Variants in POF1B observed in about 807,000 individuals in gnomAD.
POF1B encodes protein POF1B.
A neutral mutation model predicts 55.3 loss-of-function variants in POF1B; 53 were observed. The observed-to-expected ratio is 0.96, with a 90% CI of 0.77 to 1.20. The LOEUF (loss-of-function observed/expected upper bound fraction) is 1.20, where lower values mean the gene tolerates loss of function less well. POF1B is among the 50% of genes most tolerant of loss of function. The probability of loss-of-function intolerance (pLI) is 0.00; values close to 1 mark genes in which losing one functional copy is unlikely to be tolerated. For synonymous variants in POF1B, 188 were observed against 148.3 expected, an observed-to-expected ratio of 1.27 and a Z score of -1.95; for missense variants, 478 against 420.5, an observed-to-expected ratio of 1.14 and a Z score of -1.20.
chrX:85,326,988 T>A (rs1932904337), intron 7 of POF1B, among the ~76,000 whole-genome samples: 1 of 110,462 alleles, frequency 9.1e-6, no homozygotes, highest in South Asian at 3.9e-4. Context: ...CCTGCAACGT[T>A]TAGGTCCAAC....
rs980483287 is a variant in POF1B, at chrX:85,358,696, C to A, written c.438+854G>T. Among the ~76,000 whole-genome samples, 5 of 109,896 alleles carry A rather than the reference C, an allele frequency of 4.5e-5. No homozygotes were observed. In the Admixed American group the frequency reaches 4.9e-4, roughly 11 times the overall value. On this transcript the variant is annotated intron_variant, in intron 4 of 16. Transcript: ENST00000262753. ...AATTGGACTGAGATTATTTTAATGA[C>A]AGGAAAAAGAAATAAAGATTAGACA...
rs749733109 is a variant in POF1B, at chrX:85,379,500, G to A, written c.-41-5C>T. 63 of 1,161,653 alleles carry A rather than the reference G, an allele frequency of 5.4e-5. 1 individual carries two copies. In the South Asian group the frequency reaches 1.1e-3, roughly 20 times the overall value. On this transcript the variant is annotated splice_region_variant and splice_polypyrimidine_tract_variant and intron_variant, in intron 1 of 16. Transcript: ENST00000262753. Reference sequence around the variant, plus strand: ...GGGACCTCCCAGATGTTCTACCTAAGGAACAAACAGAGAAATATAATGGAA... The same window carrying A: ...GGGACCTCCCAGATGTTCTACCTAAAGAACAAACAGAGAAATATAATGGAA...
chrX:85,281,847 T>C (rs911284123), intron 16 of POF1B, among the ~76,000 whole-genome samples: 1 of 110,044 alleles, frequency 9.1e-6, no homozygotes, highest in Non-Finnish European at 1.9e-5. Flanking sequence ...GTCTATGATA[T>C]TTGCTACCTG....
At chrX:85,337,970 T>C (rs1030355749) in intron 6 of POF1B, among the ~76,000 whole-genome samples, 3 of 111,593 alleles carry the variant, frequency 2.7e-5, no homozygotes, top group African/African-American at 9.7e-5. Flanking sequence ...TTAAGGCATA[T>C]GTACAGTTTG....
chrX:85,278,611 A>G lies in POF1B; in HGVS notation c.*810T>C, dbSNP rs373370381. The G allele has an allele frequency of 3.3e-4, 37 of 111,208 alleles. No homozygotes were observed. Among genetic ancestry groups the G allele is most frequent in the African/African-American group, 1.2e-3 (36 of 30,751 alleles). 9.2% of individuals were successfully genotyped at this position (111,208 alleles called of 1,213,427 possible). A position where few individuals can be genotyped will look rare whatever the true frequency, so the allele number is the denominator to read the frequency against. ...GTCTTTATATCTATGTAATATTTCA[A>G]TGATATGTTTGCATACCACTATGAA... On this transcript the variant is annotated 3_prime_UTR_variant, in exon 17 of 17. Coordinates refer to ENST00000262753, the MANE Select transcript of POF1B (RefSeq NM_024921.4).
At chrX:85,280,934 G>T (rs147910600) in intron 16 of POF1B, among the ~76,000 whole-genome samples, 19 of 110,681 alleles carry the variant, frequency 1.7e-4, no homozygotes, top group African/African-American at 5.3e-4. Flanking sequence ...CCTGCACATC[G>T]TAGTATGTTC....
chrX:85,303,856 G>C lies in POF1B; in HGVS notation c.1567-368C>G, dbSNP rs1228001316. On this transcript the variant is annotated intron_variant, in intron 14 of 16. Transcript: ENST00000262753. ...GTATTGAAACTTCAATATATAAGCAGATATAGTTTCTTAAGAGAGAGTTTA... is the reference window on the plus strand; with the variant it reads ...GTATTGAAACTTCAATATATAAGCACATATAGTTTCTTAAGAGAGAGTTTA... 3.7e-4 allele frequency among the ~76,000 whole-genome samples: 41 copies of C among 111,232 alleles called. No individual in the cohort carries two copies. The Admixed American group carries it at 3.9e-3, about 11-fold the overall frequency.
At chrX:85,282,721 T>A (rs1931932439) in intron 15 of POF1B, among the ~76,000 whole-genome samples, 1 of 110,421 alleles carries the variant, frequency 9.1e-6, no homozygotes, top group South Asian at 3.9e-4. Flanking sequence ...AGAGTAAATA[T>A]AGGCAAAGGC....
intron 6 of POF1B, 46 bp downstream of exon 6, chrX:85,345,814 A>C: frequency 9.2e-7 from 1 of 1,090,990 alleles, no homozygotes; most frequent in East Asian, 3.2e-5. Flanking sequence ...AGAAGAGTTC[A>C]AGAACATTAT....
At chrX:85,297,618 A>G (rs751336842) in intron 15 of POF1B, among the ~76,000 whole-genome samples, 1 of 111,652 alleles carries the variant, frequency 9.0e-6, no homozygotes, top group Non-Finnish European at 1.9e-5. Flanking sequence ...GTTGGCAGAG[A>G]GTATTACTCT....
chrX:85,300,485 G>T (rs1266551423), intron 15 of POF1B, among the ~76,000 whole-genome samples: 3 of 112,057 alleles, frequency 2.7e-5, no homozygotes, highest in Non-Finnish European at 5.6e-5. Context: ...CATATGAAAA[G>T]AATACAGACT....
At chrX:85,333,224 C>A (rs1051012139) in intron 6 of POF1B, among the ~76,000 whole-genome samples, 3 of 110,553 alleles carry the variant, frequency 2.7e-5, no homozygotes, top group Admixed American at 9.7e-5. Flanking sequence ...GTATCCAAAT[C>A]TTACCCATCC....
chrX:85,331,071 A>T lies in POF1B; in HGVS notation c.732T>A (p.Ile244=). Residue 244 remains isoleucine (I), a synonymous_variant, in exon 7 of 17, where the codon ATT becomes ATA. Transcript: ENST00000262753. ...GSSQICEQVI[I]QDDGPEKLDP... ...CCAATTTTTCAGGGCCATCATCCTG[A>T]ATTATCACCTGAAGCAAACATCAAT... 8.3e-7 allele frequency: 1 copy of T among 1,203,568 alleles called. No individual in the cohort carries two copies. The highest frequency in any genetic ancestry group is 1.8e-5 in the South Asian group (1 of 54,806).
intron 8 of POF1B, 103 bp downstream of exon 8, chrX:85,315,604 T>C: frequency 1.4e-6 from 1 of 705,147 alleles, no homozygotes. Context: ...ACCTGCATTT[T>C]CAGTCTAGTA....
At chrX:85,355,622 A>G (rs1794421086) in intron 4 of POF1B, among the ~76,000 whole-genome samples, 1 of 111,882 alleles carries the variant, frequency 8.9e-6, no homozygotes, top group South Asian at 3.7e-4. Context: ...GAAAAAAACA[A>G]ACAACCCCAT....
At chrX:85,283,719 G>A (rs1384156060) in intron 15 of POF1B, among the ~76,000 whole-genome samples, 1 of 109,629 alleles carries the variant, frequency 9.1e-6, no homozygotes, top group Non-Finnish European at 1.9e-5. Context: ...GTGAAAAAAA[G>A]AAACATGAAG....
intron 10 of POF1B, among the ~76,000 whole-genome samples, chrX:85,307,814 G>T (rs1315570869): frequency 9.0e-6 from 1 of 111,643 alleles, no homozygotes; most frequent in African/African-American, 3.3e-5. Context: ...TATGAAAAAG[G>T]GGGAATTTAC....
chrX:85,361,560 T>C (rs1248101961), intron 3 of POF1B, among the ~76,000 whole-genome samples: 1 of 111,466 alleles, frequency 9.0e-6, no homozygotes, highest in Non-Finnish European at 1.9e-5. Context: ...TTCTGTTCCC[T>C]TGGTCTATGT....
At chrX:85,340,293 A>G (rs996491132) in intron 6 of POF1B, among the ~76,000 whole-genome samples, 3 of 111,135 alleles carry the variant, frequency 2.7e-5, no homozygotes, top group Non-Finnish European at 5.7e-5. Context: ...ATGGCAGTCT[A>G]CACAAAGCAA....
Sources: allele counts gnomAD v4.1 joint callset (sites outside exome capture counted in the v4.1 genomes callset), GRCh38; gene constraint gnomAD v4.1.1; transcripts MANE v1.5; gene names NCBI Gene and HGNC (gene_info 2026-07-23, HGNC 2026-07-21).